The following TJP2 variants were observed in gnomAD, a reference collection of about 807,000 sequenced individuals.
The protein encoded by TJP2 is Friedreich ataxia region gene X104 (tight junction protein ZO-2).
TJP2 carries 91 observed loss-of-function variants against 133.1 expected under a neutral mutation model. That is an observed-to-expected ratio of 0.68 (90% CI 0.58 to 0.81). The LOEUF (loss-of-function observed/expected upper bound fraction) is 0.81. Ranked by LOEUF, TJP2 falls within the 40% of genes least tolerant of loss-of-function variation. The probability of loss-of-function intolerance (pLI) is 0.00; values close to 1 mark genes in which losing one functional copy is unlikely to be tolerated. For missense variants in TJP2, 1,541 were observed against 1,565.6 expected (o/e 0.98, Z 0.26); for synonymous variants, 592 against 583.4 (o/e 1.01, Z -0.21).
At chr9:69,234,606 G>A (rs1190778512) in intron 12 of TJP2, 59 bp downstream of exon 12, 2 of 1,150,174 alleles carry the variant, frequency 1.7e-6, no homozygotes, top group African/African-American at 1.6e-5. Context: ...GGAAGGATGA[G>A]AGAGGTGTCT....
At chr9:69,204,207 T>C (rs953598488) in intron 1 of TJP2, among the ~76,000 whole-genome samples, 2 of 152,256 alleles carry the variant, frequency 1.3e-5, no homozygotes, top group African/African-American at 4.8e-5. Context: ...TTCTTGGCTC[T>C]GCTTCTCCTT....
Position 69,248,092 on chromosome 9 carries a change from C to A in TJP2, c.2748C>A (p.Ser916Arg). 1 of 1,614,188 alleles carries A rather than the reference C, an allele frequency of 6.2e-7. No homozygotes were observed. Among genetic ancestry groups the A allele is most frequent in the East Asian group, 2.2e-5 (1 of 44,884 alleles). ...AMGADYLSCD[S>R]RLISDFEDTD... is the part of the protein sequence containing the mutation. ...GCGCGGACTATCTGAGTTGCGACAG[C>A]CGCCTCATCAGTGACTTTGAAGACA... Residue 916 changes from serine to arginine, a missense_variant, in exon 19 of 23, where the codon AGC becomes AGA. Coordinates refer to ENST00000377245, the MANE Select transcript of TJP2 (RefSeq NM_004817.4).
rs779333325 is a variant in TJP2, at chr9:69,227,969, CAT to C, written c.1320-11_1320-10del. On this transcript the variant is annotated splice_polypyrimidine_tract_variant and intron_variant, in intron 8 of 22. Coordinates refer to ENST00000377245, the MANE Select transcript of TJP2 (RefSeq NM_004817.4). Reference sequence around the variant, plus strand: ...TATCTCTTGAGACATTTACGTATGACATGTGATTCAGTTCCAGAGAGGACACG... The same window carrying C: ...TATCTCTTGAGACATTTACGTATGACGTGATTCAGTTCCAGAGAGGACACG... 8 of 1,614,152 alleles carry C rather than the reference CAT, an allele frequency of 5.0e-6. No individual in the cohort carries two copies. Among genetic ancestry groups the C allele is most frequent in the Non-Finnish European group, 5.9e-6 (7 of 1,180,018 alleles).
chr9:69,246,577 C>T (rs1830941548), intron 17 of TJP2, 113 bp from the exon 18 acceptor site: 10 of 877,680 alleles, frequency 1.1e-5, no homozygotes, highest in South Asian at 5.6e-5. Context: ...CATCTTCTTG[C>T]GTCTGCCATA....
chr9:69,140,338 C>T (rs932600096), intron 1 of TJP2, among the ~76,000 whole-genome samples: 21 of 152,104 alleles, frequency 1.4e-4, no homozygotes, highest in Admixed American at 3.9e-4. Context: ...TATTATTAGC[C>T]CTGCTTTACA....
At chr9:69,165,190 ACAATCACGG>A (rs1317435070) in intron 2 of TJP2, among the ~76,000 whole-genome samples, 2 of 152,204 alleles carry the variant, frequency 1.3e-5, no homozygotes, top group Non-Finnish European at 2.9e-5. Flanking sequence ...GGGCAGTGGC[ACAATCACGG>A]CTACTGCAGC....
intron 7 of TJP2, 30 bp downstream of exon 7, chr9:69,226,205 T>C: frequency 2.5e-6 from 4 of 1,612,610 alleles, no homozygotes; most frequent in Non-Finnish European, 3.4e-6. Context: ...TGAGCTTAGC[T>C]GGAAGTAAGG....
At chr9:69,133,309 G>A (rs1252583358) in intron 1 of TJP2, among the ~76,000 whole-genome samples, 1 of 152,130 alleles carries the variant, frequency 6.6e-6, no homozygotes, top group Non-Finnish European at 1.5e-5. Flanking sequence ...TGTATGTAGA[G>A]TGCTTATTTC....
In TJP2 at chr9:69,254,191, A is replaced by G. The variant is rs768611294; in HGVS notation, c.3408-18A>G. The G allele has an allele frequency of 5.6e-6, 9 of 1,614,184 alleles. No homozygotes were observed. Among genetic ancestry groups the G allele is most frequent in the Non-Finnish European group, 7.6e-6 (9 of 1,180,028 alleles). On this transcript the variant is annotated intron_variant, in intron 22 of 22. Transcript: ENST00000377245. ...ATGGATGTGCTCTGGAATGTCTTTA[A>G]CACCCTTTTTTTGTTAGTTCCAGAC...
upstream of TJP2, among the ~76,000 whole-genome samples, chr9:69,173,527 A>G (rs1168660121): frequency 6.6e-6 from 1 of 152,178 alleles, no homozygotes; most frequent in East Asian, 1.9e-4. Flanking sequence ...GTTGTTGGAA[A>G]TGTGCCAAAG....
At chr9:69,150,902 C>A (rs1366886844) in intron 1 of TJP2, among the ~76,000 whole-genome samples, 1 of 152,078 alleles carries the variant, frequency 6.6e-6, no homozygotes, top group Non-Finnish European at 1.5e-5. Context: ...TGTGGTATAT[C>A]CATACAATGT....
rs1831585691 is a variant in TJP2 at position 69,254,780 on chromosome 9, T to C, written c.*406T>C. Reference sequence around the variant, plus strand: ...TGTGAAAAAGGAATAAAAAATACTGTTGGGCTCAAACTAAATTCAAAGAAG... The same window carrying C: ...TGTGAAAAAGGAATAAAAAATACTGCTGGGCTCAAACTAAATTCAAAGAAG... On this transcript the variant is annotated 3_prime_UTR_variant, in exon 23 of 23. Coordinates refer to ENST00000377245, the MANE Select transcript of TJP2 (RefSeq NM_004817.4). The C allele has an allele frequency of 6.2e-6, 3 of 484,390 alleles. No individual in the cohort carries two copies. Among genetic ancestry groups the C allele is most frequent in the Admixed American group, 7.4e-5 (2 of 27,180 alleles). The allele number at this position is 484,390 out of a possible 1,614,324, so 30.0% of individuals were successfully genotyped here. A position where few individuals can be genotyped will look rare whatever the true frequency, so the allele number is the denominator to read the frequency against.
chr9:69,215,553 T>G (rs1173995341), intron 2 of TJP2, among the ~76,000 whole-genome samples: 1 of 152,100 alleles, frequency 6.6e-6, no homozygotes, highest in Non-Finnish European at 1.5e-5. Flanking sequence ...ACCAGCTATT[T>G]TTTTCTATTT....
intron 1 of TJP2, among the ~76,000 whole-genome samples, chr9:69,211,301 T>C (rs1388909710): frequency 6.6e-6 from 1 of 152,148 alleles, no homozygotes; most frequent in Non-Finnish European, 1.5e-5. Context: ...CACGCCACTG[T>C]ACTCCAGCCT....
intron 1 of TJP2, among the ~76,000 whole-genome samples, chr9:69,129,552 T>C (rs1822397620): frequency 6.6e-6 from 1 of 152,192 alleles, no homozygotes; most frequent in Non-Finnish European, 1.5e-5. Context: ...TACTAAAATA[T>C]ACAATAATAT....
upstream of TJP2, among the ~76,000 whole-genome samples, chr9:69,173,798 C>A (rs963209695): frequency 1.3e-5 from 2 of 152,156 alleles, no homozygotes; most frequent in African/African-American, 4.8e-5. Flanking sequence ...ACAGGATGCC[C>A]CCGCGACCTC....
rs1261788660 is a variant in TJP2 at position 69,124,017 on chromosome 9, G to A, written c.-131+2292G>A. 4.2e-5 allele frequency among the ~76,000 whole-genome samples: 3 copies of A among 72,222 alleles called. 1 individual carries two copies. The South Asian group carries it at 1.2e-3, about 28-fold the overall frequency. The allele number at this position is 72,222 out of a possible 152,430, so 47.4% of individuals were successfully genotyped here. A position where few individuals can be genotyped will look rare whatever the true frequency, so the allele number is the denominator to read the frequency against. On this transcript the variant is annotated intron_variant, in intron 1 of 5. Transcript: ENST00000423935. ...CGAGTAGCTGGGACTATAGGCACCC[G>A]CCACCACGCCCGGCTAATTTTTTTG...
At chr9:69,151,793 C>T in intron 2 of TJP2, 1 of 1,232,128 alleles carries the variant, frequency 8.1e-7, no homozygotes, top group Non-Finnish European at 1.0e-6. Flanking sequence ...TTTAATCTCT[C>T]ATCAACCTAG....
intron 2 of TJP2, among the ~76,000 whole-genome samples, chr9:69,164,479 T>A (rs189503797): frequency 7.1e-4 from 108 of 152,212 alleles, no homozygotes; most frequent in Non-Finnish European, 3.1e-4. Flanking sequence ...TCTTAAAGTA[T>A]TTTGGGGGTG....
Sources: allele counts gnomAD v4.1 joint callset (sites outside exome capture counted in the v4.1 genomes callset), GRCh38; gene constraint gnomAD v4.1.1; transcripts MANE v1.5; gene names NCBI Gene and HGNC (gene_info 2026-07-23, HGNC 2026-07-21).